Variants in CBLN2 observed in about 807,000 individuals in gnomAD.
CBLN2 encodes the protein cerebellin-2.
In CBLN2, 7 loss-of-function variants were observed where a neutral mutation model predicts 15.0. That is an observed-to-expected ratio of 0.47 (90% CI 0.27 to 0.88). CBLN2 has a LOEUF of 0.88. Ranked by LOEUF, CBLN2 falls within the 40% of genes least tolerant of loss-of-function variation. CBLN2 has a pLI of 0.14. For synonymous variants in CBLN2, 149 were observed against 135.2 expected (o/e 1.10, Z -0.71); for missense variants, 242 against 304.5 (o/e 0.79, Z 1.53).
intron 1 of CBLN2, among the ~76,000 whole-genome samples, chr18:72,573,752 A>G (rs945828250): frequency 6.6e-6 from 1 of 152,238 alleles, no homozygotes; most frequent in Non-Finnish European, 1.5e-5. Context: ...TGCTATAAGC[A>G]TCTATGTGAA....
At chr18:72,631,549 G>A (rs934014899) in intron 1 of CBLN2, among the ~76,000 whole-genome samples, 5 of 151,916 alleles carry the variant, frequency 3.3e-5, no homozygotes, top group Admixed American at 3.3e-4. Flanking sequence ...GAAAACATGG[G>A]GTGACTCTTT....
At chr18:72,550,523 G>A (rs1050527128) in intron 1 of CBLN2, among the ~76,000 whole-genome samples, 73 of 152,244 alleles carry the variant, frequency 4.8e-4, no homozygotes, top group African/African-American at 1.6e-3. Flanking sequence ...GATGGGCTAC[G>A]GAGGCGGCGG....
chr18:72,587,230 A>G (rs1219725994), intron 1 of CBLN2, among the ~76,000 whole-genome samples: 1 of 152,072 alleles, frequency 6.6e-6, no homozygotes, highest in Non-Finnish European at 1.5e-5. Flanking sequence ...AATACAAGAG[A>G]ATATGAAACC....
At chr18:72,617,445 G>T (rs2069669723) in intron 1 of CBLN2, among the ~76,000 whole-genome samples, 1 of 152,046 alleles carries the variant, frequency 6.6e-6, no homozygotes, top group Non-Finnish European at 1.5e-5. Flanking sequence ...ATGTTTTATA[G>T]TATATCAGTT....
At chr18:72,633,414 A>C (rs1025020855) in intron 1 of CBLN2, among the ~76,000 whole-genome samples, 12 of 152,190 alleles carry the variant, frequency 7.9e-5, no homozygotes, top group Admixed American at 2.6e-4. Flanking sequence ...TGTTACTTAT[A>C]AGAAATGCTC....
intron 1 of CBLN2, among the ~76,000 whole-genome samples, chr18:72,572,195 T>C (rs2069336807): frequency 6.6e-6 from 1 of 152,160 alleles, no homozygotes. Flanking sequence ...GTATCATGCA[T>C]GTGGCTCAAC....
chr18:72,572,409 A>G (rs2069338181), intron 1 of CBLN2, among the ~76,000 whole-genome samples: 1 of 152,240 alleles, frequency 6.6e-6, no homozygotes, highest in Non-Finnish European at 1.5e-5. Context: ...TTTAAAGTAT[A>G]ATTAGAAAAC....
At chr18:72,551,140 T>C (rs569747601) in intron 1 of CBLN2, among the ~76,000 whole-genome samples, 2 of 152,074 alleles carry the variant, frequency 1.3e-5, no homozygotes, top group Non-Finnish European at 2.9e-5. Context: ...TATTTAAACA[T>C]TGATAAATTT....
intron 1 of CBLN2, among the ~76,000 whole-genome samples, chr18:72,619,529 T>A (rs984431267): frequency 6.6e-6 from 1 of 152,218 alleles, no homozygotes; most frequent in South Asian, 2.1e-4. Flanking sequence ...TGTAATAATC[T>A]GATCACGATG....
At chr18:72,557,202 A>G (rs2069232077) in intron 1 of CBLN2, among the ~76,000 whole-genome samples, 1 of 152,098 alleles carries the variant, frequency 6.6e-6, no homozygotes, top group African/African-American at 2.4e-5. Context: ...TGATTTTCTC[A>G]TAAAATGAAC....
intron 1 of CBLN2, among the ~76,000 whole-genome samples, chr18:72,555,573 T>A (rs2069221461): frequency 6.6e-6 from 1 of 152,172 alleles, no homozygotes; most frequent in Non-Finnish European, 1.5e-5. Flanking sequence ...AATTTATGAA[T>A]TATAGAATTT....
chr18:72,564,927 A>G (rs1473222083), intron 1 of CBLN2, among the ~76,000 whole-genome samples: 1 of 152,216 alleles, frequency 6.6e-6, no homozygotes, highest in Non-Finnish European at 1.5e-5. Context: ...AGTCACATAT[A>G]AGATTTTCAA....
intron 1 of CBLN2, among the ~76,000 whole-genome samples, chr18:72,557,802 T>C (rs2069235864): frequency 6.6e-6 from 1 of 152,174 alleles, no homozygotes; most frequent in Non-Finnish European, 1.5e-5. Context: ...AGCTAATGCA[T>C]GCTCGACTTA....
chr18:72,566,091 A>G (rs1019805088), intron 1 of CBLN2, among the ~76,000 whole-genome samples: 15 of 152,200 alleles, frequency 9.9e-5, no homozygotes, highest in African/African-American at 3.6e-4. Context: ...ATCATCAGGG[A>G]AATACAAATC....
chr18:72,560,433 A>G (rs1484020610), intron 1 of CBLN2, among the ~76,000 whole-genome samples: 2 of 151,742 alleles, frequency 1.3e-5, no homozygotes, highest in African/African-American at 4.8e-5. Flanking sequence ...ATGTTAAGAC[A>G]ACCTAGAGAA....
rs1215989111 is a variant in CBLN2, at chr18:72,542,785, A to G, written c.-166-459T>C. Among the ~76,000 whole-genome samples, 4 of 151,958 alleles carry G rather than the reference A, an allele frequency of 2.6e-5. No individual in the cohort carries two copies. In the South Asian group the frequency reaches 6.2e-4, roughly 24 times the overall value. On this transcript the variant is annotated intron_variant, in intron 2 of 4. Coordinates refer to ENST00000269503, the MANE Select transcript of CBLN2 (RefSeq NM_182511.4). ...TTTCCCTGCTATCCTCTATTTTTCA[A>G]TCCTCGAGATGTTTTTAAAGTCCAT...
At chr18:72,560,602 T>G (rs2069253804) in intron 1 of CBLN2, among the ~76,000 whole-genome samples, 1 of 152,234 alleles carries the variant, frequency 6.6e-6, no homozygotes, top group South Asian at 2.1e-4. Context: ...AGAGACCGCA[T>G]GGCCTGCAAA....
In CBLN2 at chr18:72,583,217, T is replaced by A. The variant is rs533845972; in HGVS notation, c.16-44445A>T. Among the ~76,000 whole-genome samples, 17 of 152,214 alleles carry A rather than the reference T, an allele frequency of 1.1e-4. No individual in the cohort carries two copies. The East Asian group carries it at 3.1e-3, about 28-fold the overall frequency. ...CATATGTTCACCTGAAAATTTCCAA[T>A]CCTTTTTGTAAGCCCCAGGCAGAGC... On this transcript the variant is annotated intron_variant, in intron 1 of 2. Transcript: ENST00000581073.
intron 1 of CBLN2, among the ~76,000 whole-genome samples, chr18:72,627,726 A>G (rs2069749791): frequency 6.6e-6 from 1 of 152,250 alleles, no homozygotes; most frequent in African/African-American, 2.4e-5. Flanking sequence ...CATATTAGTA[A>G]TCATGACATT....
Sources: gnomAD v4.1 joint callset for allele counts (sites outside exome capture counted in the v4.1 genomes callset) on GRCh38, gnomAD v4.1.1 for gene constraint, MANE v1.5 for transcripts, NCBI Gene and HGNC (gene_info 2026-07-23, HGNC 2026-07-21) for gene names.